The following GAB2 variants were observed in gnomAD, a reference collection of about 807,000 sequenced individuals.
GAB2 encodes GRB2-associated-binding protein 2.
In GAB2, 26 loss-of-function variants were observed where a neutral mutation model predicts 65.5. The observed-to-expected ratio is 0.40, with a 90% CI of 0.29 to 0.55. The LOEUF (loss-of-function observed/expected upper bound fraction) is 0.55. Ranked by LOEUF, GAB2 falls within the 20% of genes least tolerant of loss-of-function variation. GAB2 has a pLI of 0.53. For synonymous variants in GAB2, 321 were observed against 329.6 expected, an observed-to-expected ratio of 0.97 and a Z score of 0.28; for missense variants, 884 against 875.8, an observed-to-expected ratio of 1.01 and a Z score of -0.12.
At chr11:78,267,689 G>A (rs570972913) in intron 2 of GAB2, among the ~76,000 whole-genome samples, 1 of 150,872 alleles carries the variant, frequency 6.6e-6, no homozygotes, top group Non-Finnish European at 1.5e-5. Flanking sequence ...AAACCCCGTC[G>A]CTACTAAAAA....
intron 3 of GAB2, 76 bp downstream of exon 3, chr11:78,250,081 A>G (rs1865405388): frequency 6.8e-7 from 1 of 1,469,506 alleles, no homozygotes; most frequent in Non-Finnish European, 9.4e-7. Context: ...GCTTGTCTTT[A>G]AAAAAGCAAG....
intron 1 of GAB2, among the ~76,000 whole-genome samples, chr11:78,347,623 T>C (rs565497445): frequency 4.5e-4 from 68 of 152,306 alleles, no homozygotes; most frequent in African/African-American, 1.4e-3. Context: ...TCACACCATA[T>C]ACAAACATTA....
chr11:78,341,834 C>A (rs1856101783), intron 1 of GAB2: 3 of 985,000 alleles, frequency 3.0e-6, no homozygotes, highest in African/African-American at 3.5e-5. Context: ...GTCTCAGTTA[C>A]TCCTCTCTTC....
intron 1 of GAB2, among the ~76,000 whole-genome samples, chr11:78,290,441 A>T (rs1314846783): frequency 6.6e-6 from 1 of 152,242 alleles, no homozygotes; most frequent in Non-Finnish European, 1.5e-5. Context: ...CATCACTCCT[A>T]GCTGTTGAAC....
In GAB2 at chr11:78,220,547, A is replaced by C. The variant is rs1015915283; in HGVS notation, c.1762-103T>G. On this transcript the variant is annotated intron_variant, in intron 8 of 9. Coordinates refer to ENST00000361507, the MANE Select transcript of GAB2 (RefSeq NM_080491.3). ...TAAGAACACTGTTTCCCTGAGCCCT[A>C]CTCTGACACATGCACCATGCTAAGG... The C allele has an allele frequency of 1.1e-5, 10 of 927,826 alleles. No individual in the cohort carries two copies. The African/African-American group carries it at 1.5e-4, about 14-fold the overall frequency. The allele number at this position is 927,826 out of a possible 1,614,324, so 57.5% of individuals were successfully genotyped here. A position where few individuals can be genotyped will look rare whatever the true frequency, so the allele number is the denominator to read the frequency against.
intron 8 of GAB2, 76 bp downstream of exon 8, chr11:78,221,601 C>T (rs1229858608): frequency 1.8e-5 from 15 of 812,088 alleles, no homozygotes; most frequent in Non-Finnish European, 2.7e-5. Flanking sequence ...GTTAGCTAAG[C>T]TGGGAAGTGG....
intron 2 of GAB2, among the ~76,000 whole-genome samples, chr11:78,253,602 T>A (rs534599520): frequency 1.9e-4 from 29 of 152,248 alleles, no homozygotes; most frequent in African/African-American, 6.7e-4. Flanking sequence ...CCTCTTTTTT[T>A]AAAGACATTT....
At chr11:78,275,577 TGA>T (rs907310252) in intron 2 of GAB2, among the ~76,000 whole-genome samples, 7 of 152,340 alleles carry the variant, frequency 4.6e-5, no homozygotes, top group African/African-American at 1.7e-4. Flanking sequence ...GATTCTCCTC[TGA>T]GATAGAAGAA....
intron 1 of GAB2, among the ~76,000 whole-genome samples, chr11:78,404,204 C>A (rs1187102147): frequency 3.3e-5 from 5 of 152,212 alleles, no homozygotes; most frequent in African/African-American, 1.2e-4. Flanking sequence ...AAGTGTCCAT[C>A]AATCGATGAA....
chr11:78,417,727 G>A lies in GAB2; in HGVS notation c.-7C>T, dbSNP rs199538238. ...CGTCGCCGCCGCCGCTCATGCTGCC[G>A]GCCTGGAGCCCCCCGCCGGGTCGCG... On this transcript the variant is annotated 5_prime_UTR_variant, in exon 1 of 10. Coordinates refer to ENST00000361507, the MANE Select transcript of GAB2 (RefSeq NM_080491.3). The A allele has an allele frequency of 1.5e-3, 2,003 of 1,299,576 alleles. 43 individuals carry two copies. The highest frequency in any genetic ancestry group is 8.0e-3 in the Middle Eastern group (33 of 4,110). 80.5% of individuals were successfully genotyped at this position (1,299,576 alleles called of 1,614,324 possible).
chr11:78,369,231 A>G (rs989249006), intron 1 of GAB2, among the ~76,000 whole-genome samples: 2 of 152,106 alleles, frequency 1.3e-5, no homozygotes, highest in African/African-American at 4.8e-5. Context: ...TGTATTAATC[A>G]ATGGCAATCA....
At chr11:78,280,573 T>C in intron 2 of GAB2, 28 bp downstream of exon 2, 2 of 1,564,858 alleles carry the variant, frequency 1.3e-6, no homozygotes, top group Non-Finnish European at 8.8e-7. Context: ...CAACCCCCTA[T>C]GAGAAAGATC....
At chr11:78,314,981 T>C (rs1415185695) in intron 1 of GAB2, among the ~76,000 whole-genome samples, 1 of 152,170 alleles carries the variant, frequency 6.6e-6, no homozygotes, top group African/African-American at 2.4e-5. Context: ...CATGACTCCA[T>C]TACAGCTTCA....
At chr11:78,269,228 GAT>G (rs1865947686) in intron 2 of GAB2, among the ~76,000 whole-genome samples, 3 of 152,154 alleles carry the variant, frequency 2.0e-5, no homozygotes, top group African/African-American at 7.2e-5. Context: ...CTGGGGAGAA[GAT>G]GCATATTACC....
At chr11:78,351,604 C>T (rs578067505) in intron 1 of GAB2, among the ~76,000 whole-genome samples, 5 of 152,300 alleles carry the variant, frequency 3.3e-5, no homozygotes, top group African/African-American at 9.6e-5. Flanking sequence ...ACTCCCAGTG[C>T]TTCATTTACC....
intron 1 of GAB2, among the ~76,000 whole-genome samples, chr11:78,309,971 T>TGTGTGTGTGTGCACGC (rs1421836447): frequency 5.2e-4 from 62 of 120,182 alleles, no homozygotes; most frequent in African/African-American, 2.0e-3. Context: ...TGTGTGTGTG[T>TGTGTGTGTGTGCACGC]GCGCGCGCGC....
chr11:78,330,734 G>A (rs753953678), intron 1 of GAB2, among the ~76,000 whole-genome samples: 12 of 151,982 alleles, frequency 7.9e-5, no homozygotes, highest in Non-Finnish European at 1.8e-4. Flanking sequence ...TCCTTTTTTG[G>A]TTAACATTTG....
At chr11:78,256,825 G>A (rs551919226) in intron 2 of GAB2, among the ~76,000 whole-genome samples, 1 of 152,226 alleles carries the variant, frequency 6.6e-6, no homozygotes, top group Non-Finnish European at 1.5e-5. Flanking sequence ...AATAAAGGAA[G>A]ATATTAAACA....
In GAB2 at chr11:78,225,190, T is replaced by A. The variant is rs1384150775; in HGVS notation, c.1220A>T (p.Glu407Val). The change falls in exon 5 of 10, where the codon GAG becomes GTG. Residue 407 changes from glutamate (E) to valine (V), a missense_variant. Coordinates refer to ENST00000361507, the MANE Select transcript of GAB2 (RefSeq NM_080491.3). ...ACCACGCTGTGGGTACTCGTAGGTC[T>A]CACAGGAAGAAGCTGACAGAGGAAG... ...NSRLHRASSC[E>V]TYEYPQRGGE... is the part of the protein sequence containing the mutation. 1 of 1,609,058 alleles carries A rather than the reference T, an allele frequency of 6.2e-7. No individual in the cohort carries two copies. Among genetic ancestry groups the A allele is most frequent in the South Asian group, 1.1e-5 (1 of 90,966 alleles).
Sources: gnomAD v4.1 joint callset for allele counts (sites outside exome capture counted in the v4.1 genomes callset) on GRCh38, gnomAD v4.1.1 for gene constraint, MANE v1.5 for transcripts, NCBI Gene and HGNC (gene_info 2026-07-23, HGNC 2026-07-21) for gene names.